AMMECR1L: variants seen among roughly 807,000 people sequenced by gnomAD.
AMMECR1L encodes AMMECR1-like protein.
In AMMECR1L, 4 loss-of-function variants were observed where a neutral mutation model predicts 36.8. The observed-to-expected ratio is 0.11, with a 90% CI of 0.05 to 0.25. The LOEUF is 0.25. AMMECR1L is among the 10% of genes least tolerant of loss of function. The pLI is 1.00. For synonymous variants in AMMECR1L, 147 were observed against 148.0 expected (o/e 0.99, Z 0.05); for missense variants, 232 against 392.1 (o/e 0.59, Z 3.45).
chr2:127,876,114 C>T (rs918824318), intron 2 of AMMECR1L, among the ~76,000 whole-genome samples: 9 of 148,628 alleles, frequency 6.1e-5, no homozygotes, highest in South Asian at 2.2e-4. Flanking sequence ...GTTGGGAGGC[C>T]GAGGCAGGAG....
rs1690850746 is a variant in AMMECR1L, at chr2:127,869,314, T to A, written c.724+140A>T. On this transcript the variant is annotated intron_variant, in intron 6 of 7. Transcript: ENST00000272647. The surrounding 1 kb of genome is among the most constrained non-coding windows in gnomAD (Gnocchi z 4.7). ...AAGTTTACCCTTGGTTCTATAGGAA[T>A]TTGACAGGTATTAAGAGGCAGAAAG... is the stretch of plus-strand genomic sequence containing the variant. 1.9e-5 allele frequency: 14 copies of A among 753,984 alleles called. No individual in the cohort carries two copies. In the South Asian group the frequency reaches 2.5e-4, roughly 14 times the overall value. The allele number at this position is 753,984 out of a possible 1,614,324, so 46.7% of individuals were successfully genotyped here. A position where few individuals can be genotyped will look rare whatever the true frequency, so the allele number is the denominator to read the frequency against.
chr2:127,867,283 G>A, intron 6 of AMMECR1L: 12 of 985,454 alleles, frequency 1.2e-5, no homozygotes, highest in Non-Finnish European at 1.4e-5. Flanking sequence ...TAATTATCTA[G>A]GAACAAACAT....
chr2:127,865,689 C>G lies in AMMECR1L; in HGVS notation c.822-484G>C, dbSNP rs775444601. On this transcript the variant is annotated intron_variant, in intron 7 of 7. Coordinates refer to ENST00000272647, the MANE Select transcript of AMMECR1L (RefSeq NM_001199140.2). This position sits in a 1 kb window ranked among gnomAD's most constrained non-coding sequence, Gnocchi z 5.4. Reference sequence around the variant, plus strand: ...CTAAAAGGGACACAGATACCTAATTCTGGGTCAAAGTCTGCTGAAGCAGGT... The same window carrying G: ...CTAAAAGGGACACAGATACCTAATTGTGGGTCAAAGTCTGCTGAAGCAGGT... 2.3e-4 allele frequency among the ~76,000 whole-genome samples: 35 copies of G among 152,230 alleles called. 1 individual carries two copies. Among genetic ancestry groups the G allele is most frequent in the Admixed American group, 5.2e-4 (8 of 15,286 alleles).
In AMMECR1L at chr2:127,875,684, T is replaced by C. The variant is rs571982744; in HGVS notation, c.-38-1412A>G. ...AAATACACATCAAGGGCATTTCCGATTGAGATCAAAGCTCTCTGTGGCCGA... is the reference window on the plus strand; with the variant it reads ...AAATACACATCAAGGGCATTTCCGACTGAGATCAAAGCTCTCTGTGGCCGA... On this transcript the variant is annotated intron_variant, in intron 2 of 7. Coordinates refer to ENST00000272647, the MANE Select transcript of AMMECR1L (RefSeq NM_001199140.2). Among the ~76,000 whole-genome samples the C allele has an allele frequency of 5.1e-4, 78 of 152,362 alleles. 4 individuals are homozygous for C. Among genetic ancestry groups the C allele is most frequent in the Middle Eastern group, 6.8e-3 (2 of 294 alleles).
rs762636745 is a variant in AMMECR1L at position 127,870,802 on chromosome 2, G to T, written c.633+12C>A. 1.3e-6 allele frequency: 2 copies of T among 1,597,542 alleles called. No homozygotes were observed. The highest frequency in any genetic ancestry group is 1.7e-6 in the Non-Finnish European group (2 of 1,168,808). ...ACGAGAGATGCAGAGTTCCAAATGC[G>T]GCTGTTCTCACCTCCCAGTCCAGGT... On this transcript the variant is annotated intron_variant, in intron 5 of 7. Transcript: ENST00000272647.
chr2:127,869,391 TG>T lies in AMMECR1L; in HGVS notation c.724+62del. The T allele has an allele frequency of 1.3e-6, 2 of 1,482,544 alleles. No individual in the cohort carries two copies. Among genetic ancestry groups the T allele is most frequent in the Non-Finnish European group, 1.9e-6 (2 of 1,060,720 alleles). 91.8% of individuals were successfully genotyped at this position (1,482,544 alleles called of 1,614,324 possible). ...TGCAAGATGACACACTTCACTTTCT[TG>T]CCCTTTAACTGGCACCACTGTGAAT... is the stretch of plus-strand genomic sequence containing the variant. On this transcript the variant is annotated intron_variant, in intron 6 of 7. Transcript: ENST00000272647. This position sits in a 1 kb window ranked among gnomAD's most constrained non-coding sequence, Gnocchi z 4.7.
At position 127,873,806 on chromosome 2, in the gene AMMECR1L, C is replaced by T. The variant is rs367594389; in HGVS notation, c.407+22G>A. The T allele has an allele frequency of 1.3e-5, 21 of 1,613,258 alleles. No individual in the cohort carries two copies. Among genetic ancestry groups the T allele is most frequent in the Non-Finnish European group, 1.6e-5 (19 of 1,179,980 alleles). On this transcript the variant is annotated intron_variant, in intron 3 of 7. Coordinates refer to ENST00000272647, the MANE Select transcript of AMMECR1L (RefSeq NM_001199140.2). The surrounding 1 kb of genome is among the most constrained non-coding windows in gnomAD (Gnocchi z 5.2). ...GATGTCACCATGCCTTCCTCAGTGC[C>T]CCCAGCACATGATTTACTCACTAGG... is the stretch of plus-strand genomic sequence containing the variant.
chr2:127,874,823 G>C lies in AMMECR1L; in HGVS notation c.-38-551C>G, dbSNP rs1691149827. On this transcript the variant is annotated intron_variant, in intron 2 of 7. Transcript: ENST00000272647. The surrounding 1 kb of genome is among the most constrained non-coding windows in gnomAD (Gnocchi z 5.2). ...AGCAGTTGGCTGTCACTCTGAAGAG[G>C]GCACATCTTCTAACACAAGGCTCCC... Among the ~76,000 whole-genome samples, 1 of 152,136 alleles carries C rather than the reference G, an allele frequency of 6.6e-6. No individual in the cohort carries two copies. Among genetic ancestry groups the C allele is most frequent in the Non-Finnish European group, 1.5e-5 (1 of 68,032 alleles).
intron 2 of AMMECR1L, among the ~76,000 whole-genome samples, chr2:127,883,749 A>G (rs1382427704): frequency 6.6e-6 from 1 of 152,250 alleles, no homozygotes; most frequent in Non-Finnish European, 1.5e-5. Flanking sequence ...TTTCAAGAAA[A>G]TATCTTCACT....
intron 2 of AMMECR1L, among the ~76,000 whole-genome samples, chr2:127,882,583 T>C (rs960685144): frequency 6.6e-6 from 1 of 152,190 alleles, no homozygotes; most frequent in Non-Finnish European, 1.5e-5. Flanking sequence ...ATCACAGATA[T>C]ACCTATACAA....
chr2:127,870,973 G>A (rs1361625687), intron 4 of AMMECR1L, 45 bp from the exon 5 acceptor site: 4 of 1,460,894 alleles, frequency 2.7e-6, no homozygotes, highest in Admixed American at 1.9e-5. Context: ...CTGGAGTCAG[G>A]AGCCAATATC....
chr2:127,876,046 C>T (rs148008098), intron 2 of AMMECR1L, among the ~76,000 whole-genome samples: 4,492 of 151,672 alleles, frequency 0.03, 114 homozygotes, highest in Admixed American at 0.042. Flanking sequence ...ATCCGCTCCC[C>T]GCCCCGCCCC....
Position 127,863,070 on chromosome 2 carries a change from A to C in AMMECR1L, c.*2024T>G, listed in dbSNP as rs1210658607. ...TTGCTTTTTTTAATCTTTAGAAATTAAACACAACTCTTAACATAGAACACT... is the reference window on the plus strand; with the variant it reads ...TTGCTTTTTTTAATCTTTAGAAATTCAACACAACTCTTAACATAGAACACT... On this transcript the variant is annotated 3_prime_UTR_variant, in exon 8 of 8. Coordinates refer to ENST00000272647, the MANE Select transcript of AMMECR1L (RefSeq NM_001199140.2). 1 of 152,542 alleles carries C rather than the reference A, an allele frequency of 6.6e-6. No individual in the cohort carries two copies. Among genetic ancestry groups the C allele is most frequent in the Non-Finnish European group, 1.5e-5 (1 of 68,032 alleles). 9.4% of individuals were successfully genotyped at this position (152,542 alleles called of 1,614,324 possible).
intron 2 of AMMECR1L, among the ~76,000 whole-genome samples, chr2:127,882,293 A>T (rs189567565): frequency 3.6e-4 from 55 of 152,322 alleles, no homozygotes; most frequent in African/African-American, 1.3e-3. Context: ...GTTATCATTT[A>T]GCATTTAGAT....
chr2:127,865,009 G>T lies in AMMECR1L; in HGVS notation c.*85C>A. On this transcript the variant is annotated 3_prime_UTR_variant, in exon 8 of 8. Transcript: ENST00000272647. This position sits in a 1 kb window ranked among gnomAD's most constrained non-coding sequence, Gnocchi z 5.4. ...AAATGGTGCAGTAATAGAAGTAACT[G>T]GACCAGGAAGAGGAGGCATCTGCTC... is the stretch of plus-strand genomic sequence containing the variant. 1 of 902,676 alleles carries T rather than the reference G, an allele frequency of 1.1e-6. No individual in the cohort carries two copies. Among genetic ancestry groups the T allele is most frequent in the East Asian group, 2.6e-5 (1 of 38,916 alleles). The allele number at this position is 902,676 out of a possible 1,614,324, so 55.9% of individuals were successfully genotyped here. A position where few individuals can be genotyped will look rare whatever the true frequency, so the allele number is the denominator to read the frequency against.
chr2:127,873,230 T>G lies in AMMECR1L; in HGVS notation c.407+598A>C. On this transcript the variant is annotated intron_variant, in intron 3 of 7. Transcript: ENST00000272647. This position sits in a 1 kb window ranked among gnomAD's most constrained non-coding sequence, Gnocchi z 5.2. Reference sequence around the variant, plus strand: ...CTAGCATGGAATTCTTCAGTTTACTTTATACATATTGCTTATTTAAGTCAC... The same window carrying G: ...CTAGCATGGAATTCTTCAGTTTACTGTATACATATTGCTTATTTAAGTCAC... 3.0e-6 allele frequency: 3 copies of G among 985,482 alleles called. No homozygotes were observed. The highest frequency in any genetic ancestry group is 3.6e-6 in the Non-Finnish European group (3 of 829,942). The allele number at this position is 985,482 out of a possible 1,614,324, so 61.0% of individuals were successfully genotyped here. A position where few individuals can be genotyped will look rare whatever the true frequency, so the allele number is the denominator to read the frequency against.
rs1558995309 is a variant in AMMECR1L, at chr2:127,873,818, ATT to A, written c.407+8_407+9del. On this transcript the variant is annotated splice_region_variant and intron_variant, in intron 3 of 7. Coordinates refer to ENST00000272647, the MANE Select transcript of AMMECR1L (RefSeq NM_001199140.2). This position sits in a 1 kb window ranked among gnomAD's most constrained non-coding sequence, Gnocchi z 5.2. The stretch of plus-strand genomic sequence containing the variant: ...CCTTCCTCAGTGCCCCCAGCACATG[ATT>A]TACTCACTAGGGGTCATTGGTGAAT... The A allele has an allele frequency of 2.5e-6, 4 of 1,613,790 alleles. No individual in the cohort carries two copies. In the South Asian group the frequency reaches 4.4e-5, roughly 18 times the overall value.
At chr2:127,882,971 C>G (rs1691578677) in intron 2 of AMMECR1L, among the ~76,000 whole-genome samples, 3 of 149,366 alleles carry the variant, frequency 2.0e-5, no homozygotes, top group African/African-American at 7.4e-5. Flanking sequence ...TGGCTATTTA[C>G]AGGGCTCAAG....
At position 127,863,167 on chromosome 2, in the gene AMMECR1L, G is replaced by T. The variant is rs1690537283; in HGVS notation, c.*1927C>A. On this transcript the variant is annotated 3_prime_UTR_variant, in exon 8 of 8. Transcript: ENST00000272647. ...TTGGAGGTGGGTGGCTTAGTCCAGA[G>T]CTGACCACCCTGACATCGATCCATG... The T allele has an allele frequency of 6.6e-6, 1 of 152,486 alleles. No homozygotes were observed. The highest frequency in any genetic ancestry group is 1.5e-5 in the Non-Finnish European group (1 of 68,018). 9.4% of individuals were successfully genotyped at this position (152,486 alleles called of 1,614,324 possible). A position where few individuals can be genotyped will look rare whatever the true frequency, so the allele number is the denominator to read the frequency against.
Sources: allele counts gnomAD v4.1 joint callset (sites outside exome capture counted in the v4.1 genomes callset), GRCh38; gene constraint gnomAD v4.1.1; non-coding constraint Gnocchi (gnomAD v3.1); transcripts MANE v1.5; gene names NCBI Gene and HGNC (gene_info 2026-07-23, HGNC 2026-07-21).